TRAF3: variants seen among roughly 807,000 people sequenced by gnomAD.
The protein encoded by TRAF3 is TNF receptor associated factor 3, also known as TNF receptor-associated factor 3.
In TRAF3, 13 loss-of-function variants were observed where a neutral mutation model predicts 62.3. The observed-to-expected ratio is 0.21, with a 90% CI of 0.14 to 0.33. The LOEUF is 0.33. Ranked by LOEUF, TRAF3 falls within the 10% of genes least tolerant of loss-of-function variation. The pLI, the probability that TRAF3 is intolerant of heterozygous loss-of-function variation, is 1.00. For missense variants in TRAF3, 440 were observed against 741.8 expected, an observed-to-expected ratio of 0.59 and a Z score of 4.73; for synonymous variants, 269 against 283.4, an observed-to-expected ratio of 0.95 and a Z score of 0.51.
At chr14:102,889,445 G>A (rs1046113142) in intron 7 of TRAF3, 115 bp from the exon 8 acceptor site, 11 of 1,062,542 alleles carry the variant, frequency 1.0e-5, no homozygotes, top group Non-Finnish European at 1.6e-5. Flanking sequence ...ATACACACCT[G>A]TAGCGATAAA....
intron 9 of TRAF3, among the ~76,000 whole-genome samples, chr14:102,892,547 G>C (rs1205692740): frequency 6.6e-6 from 1 of 152,178 alleles, no homozygotes; most frequent in Non-Finnish European, 1.5e-5. Context: ...TACCATTGTG[G>C]CTTAATTACA....
At chr14:102,782,748 A>C (rs1390684537) in intron 1 of TRAF3, among the ~76,000 whole-genome samples, 1 of 151,712 alleles carries the variant, frequency 6.6e-6, no homozygotes, top group Non-Finnish European at 1.5e-5. Flanking sequence ...GTAACTTCTC[A>C]TGAGGCCATT....
chr14:102,888,639 C>CA (rs748397144), intron 7 of TRAF3, among the ~76,000 whole-genome samples: 4 of 152,146 alleles, frequency 2.6e-5, no homozygotes, highest in Non-Finnish European at 5.9e-5. Context: ...CCCATCCTCC[C>CA]AAAAAGAGTC....
intron 1 of TRAF3, among the ~76,000 whole-genome samples, chr14:102,803,408 T>G (rs1481794045): frequency 6.6e-6 from 1 of 152,058 alleles, no homozygotes; most frequent in Non-Finnish European, 1.5e-5. Context: ...CCCTGGGTCT[T>G]GGGCAGTTAC....
At chr14:102,884,646 C>T (rs1889258252) in intron 6 of TRAF3, among the ~76,000 whole-genome samples, 1 of 151,984 alleles carries the variant, frequency 6.6e-6, no homozygotes, top group Non-Finnish European at 1.5e-5. Flanking sequence ...CCCTCCTCTA[C>T]TAAAAATACA....
chr14:102,895,320 T>A (rs987619929), intron 9 of TRAF3: 59 of 291,316 alleles, frequency 2.0e-4, no homozygotes, highest in African/African-American at 1.1e-3. Context: ...AGTTTTGTAT[T>A]CCTTAGTAAA....
chr14:102,873,430 G>A (rs970133312), intron 4 of TRAF3, among the ~76,000 whole-genome samples: 1 of 152,240 alleles, frequency 6.6e-6, no homozygotes, highest in Middle Eastern at 3.2e-3. Context: ...GAGTGAGAGA[G>A]AAGCTCGCGA....
At chr14:102,883,418 T>C (rs992824862) in intron 6 of TRAF3, among the ~76,000 whole-genome samples, 1 of 152,152 alleles carries the variant, frequency 6.6e-6, no homozygotes, top group African/African-American at 2.4e-5. Context: ...GAAACCTTTT[T>C]AGAGGCAGAA....
chr14:102,879,773 C>A (rs750374541), intron 6 of TRAF3, among the ~76,000 whole-genome samples: 2 of 152,082 alleles, frequency 1.3e-5, no homozygotes, highest in Non-Finnish European at 2.9e-5. Flanking sequence ...TGTCTTTCTT[C>A]CATTGTGAAA....
intron 1 of TRAF3, among the ~76,000 whole-genome samples, chr14:102,804,074 A>G (rs933654453): frequency 6.6e-6 from 1 of 151,884 alleles, no homozygotes; most frequent in African/African-American, 2.4e-5. Context: ...GCGGGGCGAG[A>G]GGGATCCTTC....
intron 2 of TRAF3, among the ~76,000 whole-genome samples, chr14:102,849,438 TATA>T (rs1439289531): frequency 1.3e-5 from 2 of 152,248 alleles, no homozygotes; most frequent in African/African-American, 4.8e-5. Context: ...TGTCTTTGCA[TATA>T]ATAAGGATTG....
intron 6 of TRAF3, among the ~76,000 whole-genome samples, chr14:102,883,867 C>T (rs767195400): frequency 2.0e-5 from 3 of 152,074 alleles, no homozygotes; most frequent in South Asian, 2.1e-4. Flanking sequence ...CTTCCGCACC[C>T]GGCCTGTGCT....
At chr14:102,863,277 T>C (rs1346751795) in intron 2 of TRAF3, among the ~76,000 whole-genome samples, 1 of 152,268 alleles carries the variant, frequency 6.6e-6, no homozygotes, top group African/African-American at 2.4e-5. Context: ...TATTGACTGC[T>C]TGTTACAGTC....
chr14:102,789,268 C>T (rs534082314), intron 1 of TRAF3, among the ~76,000 whole-genome samples: 2 of 152,210 alleles, frequency 1.3e-5, no homozygotes, highest in African/African-American at 4.8e-5. Flanking sequence ...TTCATTTGTT[C>T]ATGGGCATTT....
At chr14:102,801,199 C>T (rs1898391826) in intron 1 of TRAF3, among the ~76,000 whole-genome samples, 1 of 152,128 alleles carries the variant, frequency 6.6e-6, no homozygotes, top group Non-Finnish European at 1.5e-5. Flanking sequence ...GTCTCAGACT[C>T]CTAGACTCAA....
intron 6 of TRAF3, among the ~76,000 whole-genome samples, chr14:102,878,407 GGT>G (rs1888844894): frequency 7.2e-6 from 1 of 138,214 alleles, no homozygotes; most frequent in Non-Finnish European, 1.6e-5. Context: ...AGTGTGTGGG[GGT>G]GTGTGAATGT....
At chr14:102,789,794 T>C (rs920189290) in intron 1 of TRAF3, among the ~76,000 whole-genome samples, 7 of 152,108 alleles carry the variant, frequency 4.6e-5, no homozygotes, top group Admixed American at 4.6e-4. Context: ...TTGAGTTCTT[T>C]ATATATTCTG....
Position 102,835,195 on chromosome 14 carries a change from C to T in TRAF3, c.-18+4723C>T, listed in dbSNP as rs1387610913. ...ATTAGAGAAATGCAAATCAAAACCA[C>T]AGTGAGATAGCATCTCACACCAGTC... On this transcript the variant is annotated intron_variant, in intron 2 of 11. Transcript: ENST00000392745. 4.6e-5 allele frequency among the ~76,000 whole-genome samples: 7 copies of T among 151,440 alleles called. No individual in the cohort carries two copies. The Middle Eastern group carries it at 0.02, about 442-fold the overall frequency.
Position 102,831,555 on chromosome 14 carries a change from C to T in TRAF3, c.-18+1083C>T, listed in dbSNP as rs1005748890. ...TCGGTCAGGCCAGGTCCTGCCGCCT[C>T]ACTGTCCAGCTCTCCTGAGTGCTCC... On this transcript the variant is annotated intron_variant, in intron 2 of 11. Transcript: ENST00000392745. Among the ~76,000 whole-genome samples, 6 of 152,224 alleles carry T rather than the reference C, an allele frequency of 3.9e-5. No individual in the cohort carries two copies. The East Asian group carries it at 1.2e-3, about 29-fold the overall frequency.
Sources: allele counts gnomAD v4.1 joint callset (sites outside exome capture counted in the v4.1 genomes callset), GRCh38; gene constraint gnomAD v4.1.1; transcripts MANE v1.5; gene names NCBI Gene and HGNC (gene_info 2026-07-23, HGNC 2026-07-21).